VCPKMT: variants seen among roughly 807,000 people sequenced by gnomAD.
The protein encoded by VCPKMT is valosin containing protein lysine methyltransferase.
A neutral mutation model predicts 28.6 loss-of-function variants in VCPKMT; 32 were observed. The ratio of observed to expected loss-of-function variants is 1.12; its 90% CI spans 0.84 to 1.50. The LOEUF is 1.50. Among genes scored for constraint, VCPKMT ranks in the 40% most tolerant of loss-of-function variants. VCPKMT has a pLI of 0.00. For missense variants in VCPKMT, 366 were observed against 285.0 expected (o/e 1.28, Z -2.05); for synonymous variants, 138 against 111.4 (o/e 1.24, Z -1.50).
rs1882774014 is a variant in VCPKMT, at chr14:50,112,667, T to C, written c.623A>G (p.Glu208Gly). The change falls in exon 5 of 6, where the codon GAA (glutamate) becomes GGA (glycine). Residue 208 changes from glutamate to glycine, a missense_variant. By Grantham distance (98) the Glu-to-Gly change is moderately conservative. Coordinates refer to ENST00000395860, the MANE Select transcript of VCPKMT (RefSeq NM_024558.3). ...FEKIPLEKHD[E>G]EYRSEDIHII... The stretch of plus-strand genomic sequence containing the variant: ...ATGAATATCTTCACTTCGATACTCT[T>C]CATCATGTTTTTCCAAAGGAATTTT... 1 of 1,576,774 alleles carries C rather than the reference T, an allele frequency of 6.3e-7. No individual in the cohort carries two copies. Among genetic ancestry groups the C allele is most frequent in the South Asian group, 1.2e-5 (1 of 86,668 alleles).
Position 50,116,059 on chromosome 14 carries a change from C to G in VCPKMT, c.377+10G>C, listed in dbSNP as rs1883165776. 6.2e-7 allele frequency: 1 copy of G among 1,601,690 alleles called. No individual in the cohort carries two copies. The highest frequency in any genetic ancestry group is 1.1e-5 in the South Asian group (1 of 90,212). ...CAATATCTTAAAACAAGCTGAAAGG[C>G]CATACAAACCATTTCAGTACCTTGG... On this transcript the variant is annotated intron_variant, in intron 2 of 5. Coordinates refer to ENST00000395860, the MANE Select transcript of VCPKMT (RefSeq NM_024558.3).
At chr14:50,115,773 T>A in intron 3 of VCPKMT, 66 bp downstream of exon 3, 1 of 1,517,514 alleles carries the variant, frequency 6.6e-7, no homozygotes, top group Non-Finnish European at 9.0e-7. Context: ...AAGAAACGTG[T>A]GCTTTAGAAT....
chr14:50,109,839 C>A, intron 5 of VCPKMT, 126 bp from the exon 6 acceptor site: 1 of 1,107,592 alleles, frequency 9.0e-7, no homozygotes, highest in Non-Finnish European at 1.2e-6. Context: ...ACATGCAATT[C>A]AAGTGAACAA....
In VCPKMT at chr14:50,112,725, A is replaced by C. The variant is rs1311981727; in HGVS notation, c.571-6T>G. 2 of 1,539,826 alleles carry C rather than the reference A, an allele frequency of 1.3e-6. No homozygotes were observed. Among genetic ancestry groups the C allele is most frequent in the African/African-American group, 1.4e-5 (1 of 72,972 alleles). ...TCAAAATCTAGCTGAAGGAGCTATAAATTTAAAAGAGACATACTTCAAATT... is the reference window on the plus strand; with the variant it reads ...TCAAAATCTAGCTGAAGGAGCTATACATTTAAAAGAGACATACTTCAAATT... On this transcript the variant is annotated splice_region_variant and splice_polypyrimidine_tract_variant and intron_variant, in intron 4 of 5. Coordinates refer to ENST00000395860, the MANE Select transcript of VCPKMT (RefSeq NM_024558.3).
rs1882457242 is a variant in VCPKMT, at chr14:50,108,981, C to T, written c.*718G>A. ...CCTGAAACTGGTCTTTCTATTCTCA[C>T]TCCATGCTCAAATGAAAAATCTGTA... On this transcript the variant is annotated 3_prime_UTR_variant, in exon 6 of 6. Transcript: ENST00000395860. 1 of 985,348 alleles carries T rather than the reference C, an allele frequency of 1.0e-6. No homozygotes were observed. The allele number at this position is 985,348 out of a possible 1,614,324, so 61.0% of individuals were successfully genotyped here.
intron 4 of VCPKMT, among the ~76,000 whole-genome samples, chr14:50,113,024 G>A (rs1262272761): frequency 6.6e-6 from 1 of 152,186 alleles, no homozygotes; most frequent in Non-Finnish European, 1.5e-5. Context: ...CTGACCTCAT[G>A]ATCTGCCCAT....
chr14:50,112,690 T>A lies in VCPKMT; in HGVS notation c.600A>T (p.Lys200Asn). 1 of 1,574,668 alleles carries A rather than the reference T, an allele frequency of 6.4e-7. No homozygotes were observed. Among genetic ancestry groups the A allele is most frequent in the Non-Finnish European group, 8.6e-7 (1 of 1,156,984 alleles). The change falls in exon 5 of 6, where the codon AAA (lysine) becomes AAT (asparagine). Residue 200 changes from lysine to asparagine, a missense_variant. Physicochemically the swap from Lys to Asn is moderately conservative, Grantham distance 94 (BLOSUM62 0). Transcript: ENST00000395860. ...ELLQLDFDFE[K>N]IPLEKHDEEY... Reference sequence around the variant, plus strand: ...CTTCATCATGTTTTTCCAAAGGAATTTTTTCAAAGTCAAAATCTAGCTGAA... The same window carrying A: ...CTTCATCATGTTTTTCCAAAGGAATATTTTCAAAGTCAAAATCTAGCTGAA...
At chr14:50,112,478 G>T in intron 5 of VCPKMT, 137 bp downstream of exon 5, 1 of 463,776 alleles carries the variant, frequency 2.2e-6, no homozygotes, top group Non-Finnish European at 3.8e-6. Flanking sequence ...TGACAATGAA[G>T]TTACTGCCTG....
At position 50,114,420 on chromosome 14, in the gene VCPKMT, T is replaced by A; in HGVS notation, c.451-16A>T. ...GCTCCAAAGACTATTTAAAAAAGAA[T>A]ATATTTTTTGTTTTTGATTTAAAAA... On this transcript the variant is annotated splice_polypyrimidine_tract_variant and intron_variant, in intron 3 of 5. Transcript: ENST00000395860. 1 of 1,441,234 alleles carries A rather than the reference T, an allele frequency of 6.9e-7. No homozygotes were observed. The highest frequency in any genetic ancestry group is 9.1e-7 in the Non-Finnish European group (1 of 1,093,672). The allele number at this position is 1,441,234 out of a possible 1,614,324, so 89.3% of individuals were successfully genotyped here. A position where few individuals can be genotyped will look rare whatever the true frequency, so the allele number is the denominator to read the frequency against.
chr14:50,111,723 A>C (rs11850720), intron 5 of VCPKMT: 183,287 of 679,422 alleles, frequency 0.27, 24,637 homozygotes, highest in Admixed American at 0.41. Flanking sequence ...ACAACAACAA[A>C]AAAAATACAA....
Position 50,114,302 on chromosome 14 carries a change from C to A in VCPKMT, c.553G>T (p.Glu185Ter). Reference protein sequence around the residue: ...QRTMGKNPEIEKKYFELLQLD... With the variant: ...QRTMGKNPEI ...ATACTTACCTCAAAATATTTTTTCT[C>A]AATTTCTGGATTTTTCCCCATTGTT... is the stretch of plus-strand genomic sequence containing the variant. The change falls in exon 4 of 6, where the codon GAG becomes TAG. Residue 185 changes from glutamate to a stop codon, truncating the protein, a stop_gained. Coordinates refer to ENST00000395860, the MANE Select transcript of VCPKMT (RefSeq NM_024558.3). LOFTEE classifies it high-confidence loss of function. 1.3e-6 allele frequency: 2 copies of A among 1,580,152 alleles called. No individual in the cohort carries two copies. The highest frequency in any genetic ancestry group is 2.4e-5 in the South Asian group (2 of 82,786).
At position 50,116,572 on chromosome 14, in the gene VCPKMT, C is replaced by A. The variant is rs907070106; in HGVS notation, c.-20G>T. On this transcript the variant is annotated 5_prime_UTR_variant, in exon 1 of 6. Transcript: ENST00000395860. ...CGCCATTGCGCCCGGCAACAGAAAG[C>A]GGCGCGCGCAGGGACGTCACATCAA... 1 of 1,589,914 alleles carries A rather than the reference C, an allele frequency of 6.3e-7. No homozygotes were observed. Among genetic ancestry groups the A allele is most frequent in the Non-Finnish European group, 8.6e-7 (1 of 1,167,222 alleles).
In VCPKMT at chr14:50,109,646, A is replaced by G. The variant is rs1882503430; in HGVS notation, c.*53T>C. On this transcript the variant is annotated 3_prime_UTR_variant, in exon 6 of 6. Transcript: ENST00000395860. Reference sequence around the variant, plus strand: ...CATGCTGTATTCACATGCTCTATTCACATCTTTAGTTTACCCAGGTTGTTA... The same window carrying G: ...CATGCTGTATTCACATGCTCTATTCGCATCTTTAGTTTACCCAGGTTGTTA... 1.9e-6 allele frequency: 3 copies of G among 1,576,668 alleles called. No homozygotes were observed. The South Asian group carries it at 3.5e-5, about 19-fold the overall frequency.
chr14:50,102,998 C>G, the VCPKMT span, among the ~76,000 whole-genome samples: 1 of 152,206 alleles, frequency 6.6e-6, no homozygotes, highest in Non-Finnish European at 1.5e-5. Context: ...CATCTTTGAA[C>G]GTGGACTAAC....
rs759995456 is a variant in VCPKMT, at chr14:50,115,888, G to A, written c.401C>T (p.Pro134Leu). The change falls in exon 3 of 6, where the codon CCT becomes CTT. Residue 134 changes from proline (P) to leucine (L), a missense_variant. Pro to Leu is a moderately conservative substitution (Grantham distance 98, BLOSUM62 -3). Coordinates refer to ENST00000395860, the MANE Select transcript of VCPKMT (RefSeq NM_024558.3). ...LKWGEEIEGFPSPPDFILMAD... is the reference protein window; with the variant it reads ...LKWGEEIEGFLSPPDFILMAD... ...CATCAGTATGAAGTCGGGTGGAGAA[G>A]GAAAGCCTTCTATTTCTTCCCCCCT... is the stretch of plus-strand genomic sequence containing the variant. The A allele has an allele frequency of 6.8e-6, 11 of 1,613,302 alleles. No homozygotes were observed. In the South Asian group the frequency reaches 9.9e-5, roughly 15 times the overall value.
At position 50,111,299 on chromosome 14, in the gene VCPKMT, AAC is replaced by A. The variant is rs10599117; in HGVS notation, c.675+1314_675+1315del. ...TAACACTAGATCCCTTAAAGCACAA[AAC>A]AGTTTTTTTTGTATCTGTGGCACCA... On this transcript the variant is annotated intron_variant, in intron 5 of 5. Transcript: ENST00000395860. 1.8e-3 allele frequency: 1,728 copies of A among 985,358 alleles called. 24 individuals are homozygous for A. The African/African-American group carries it at 0.026, about 15-fold the overall frequency. 61.0% of individuals were successfully genotyped at this position (985,358 alleles called of 1,614,324 possible). A position where few individuals can be genotyped will look rare whatever the true frequency, so the allele number is the denominator to read the frequency against.
intron 4 of VCPKMT, 89 bp downstream of exon 4, chr14:50,114,196 C>A: frequency 1.6e-6 from 2 of 1,278,040 alleles, no homozygotes; most frequent in Non-Finnish European, 2.0e-6. Context: ...GTTTTCCCCA[C>A]CCAAAATTAC....
rs1882490841 is a variant in VCPKMT at position 50,109,496 on chromosome 14, G to A, written c.*203C>T. On this transcript the variant is annotated 3_prime_UTR_variant, in exon 6 of 6. Transcript: ENST00000395860. ...ACTAAGTAACCTAAGCTGGATTCAGGGCCATTGGCAGGCAGGCAGGCAAGC... is the reference window on the plus strand; with the variant it reads ...ACTAAGTAACCTAAGCTGGATTCAGAGCCATTGGCAGGCAGGCAGGCAAGC... The A allele has an allele frequency of 7.6e-7, 1 of 1,312,594 alleles. No homozygotes were observed. The highest frequency in any genetic ancestry group is 9.7e-7 in the Non-Finnish European group (1 of 1,034,688). 81.3% of individuals were successfully genotyped at this position (1,312,594 alleles called of 1,614,324 possible).
In VCPKMT at chr14:50,109,547, C is replaced by T; in HGVS notation, c.*152G>A. ...AGGAATTTTTCGTATTGCAGACAGC[C>T]CCTGGTGGTCATCATCTATACATCG... is the stretch of plus-strand genomic sequence containing the variant. On this transcript the variant is annotated 3_prime_UTR_variant, in exon 6 of 6. Transcript: ENST00000395860. The T allele has an allele frequency of 7.4e-7, 1 of 1,358,394 alleles. No individual in the cohort carries two copies. Among genetic ancestry groups the T allele is most frequent in the Non-Finnish European group, 9.4e-7 (1 of 1,058,242 alleles). 84.1% of individuals were successfully genotyped at this position (1,358,394 alleles called of 1,614,324 possible). A position where few individuals can be genotyped will look rare whatever the true frequency, so the allele number is the denominator to read the frequency against.
Sources: gnomAD v4.1 joint callset for allele counts (sites outside exome capture counted in the v4.1 genomes callset) on GRCh38, gnomAD v4.1.1 for gene constraint, MANE v1.5 for transcripts, NCBI Gene and HGNC (gene_info 2026-07-23, HGNC 2026-07-21) for gene names.